The following TPCN1 variants were observed in gnomAD, a reference collection of about 807,000 sequenced individuals.
The protein encoded by TPCN1 is two pore segment channel 1.
TPCN1 carries 52 observed loss-of-function variants against 108.8 expected under a neutral mutation model. The observed-to-expected ratio is 0.48, with a 90% CI of 0.38 to 0.60. TPCN1 has a LOEUF of 0.60. TPCN1 is among the 20% of genes least tolerant of loss of function. TPCN1 has a pLI of 0.00. For synonymous variants in TPCN1, 446 were observed against 433.7 expected (o/e 1.03, Z -0.35); for missense variants, 806 against 1,072.8 (o/e 0.75, Z 3.47).
chr12:113,253,036 C>G (rs1008784623), intron 2 of TPCN1, among the ~76,000 whole-genome samples: 1 of 152,136 alleles, frequency 6.6e-6, no homozygotes. Flanking sequence ...GTTTCTGATT[C>G]TTGAGAGGCA....
chr12:113,244,288 G>A, intron 2 of TPCN1: 1 of 985,270 alleles, frequency 1.0e-6, no homozygotes, highest in Non-Finnish European at 1.2e-6. Context: ...TTAAGCCTTT[G>A]GCAGGACAGA....
At position 113,295,899 on chromosome 12, in the gene TPCN1, G is replaced by T; in HGVS notation, c.2335-61G>T. ...GATGCTGTGGGCTGTGTGACCTTGT[G>T]GGGTGGGCGGGGCAGGGGGTGGGGT... On this transcript the variant is annotated intron_variant, in intron 27 of 27. Coordinates refer to ENST00000335509, the MANE Select transcript of TPCN1 (RefSeq NM_017901.6). The T allele has an allele frequency of 8.0e-6, 12 of 1,496,690 alleles. No homozygotes were observed. The South Asian group carries it at 1.5e-4, about 19-fold the overall frequency. The allele number at this position is 1,496,690 out of a possible 1,614,324, so 92.7% of individuals were successfully genotyped here.
chr12:113,245,446 A>G (rs1332329209), intron 2 of TPCN1, among the ~76,000 whole-genome samples: 1 of 146,264 alleles, frequency 6.8e-6, no homozygotes, highest in Middle Eastern at 3.6e-3. Flanking sequence ...AAAAAAATAC[A>G]AAAAATTAGC....
Position 113,273,272 on chromosome 12 carries a change from T to A in TPCN1, c.824T>A (p.Val275Asp). The change falls in exon 9 of 28, where the codon GTC (valine) becomes GAC (aspartate). Residue 275 changes from valine to aspartate, a missense_variant. Val to Asp is a radical substitution (Grantham distance 152, BLOSUM62 -3). Transcript: ENST00000335509. This position sits in a 1 kb window ranked among gnomAD's most constrained non-coding sequence, Gnocchi z 4.0. ...GAGAACAGCATCGTCAGTCTGTTTG[T>A]CCTTCTGACCACAGCCAAGTAAGTG... Reference protein sequence around the residue: ...TLENSIVSLFVLLTTANFPDV... With the variant: ...TLENSIVSLFDLLTTANFPDV... The A allele has an allele frequency of 6.2e-7, 1 of 1,614,252 alleles. No individual in the cohort carries two copies.
chr12:113,291,196 C>T (rs1956254641), intron 23 of TPCN1, among the ~76,000 whole-genome samples, 198 bp downstream of exon 23: 1 of 152,168 alleles, frequency 6.6e-6, no homozygotes, highest in African/African-American at 2.4e-5. Context: ...TGGCTGGACT[C>T]GGCTGTTACT....
At chr12:113,282,295 G>C (rs1469721779) in intron 15 of TPCN1, among the ~76,000 whole-genome samples, 2 of 151,656 alleles carry the variant, frequency 1.3e-5, no homozygotes, top group African/African-American at 4.8e-5. Flanking sequence ...ATTTCCCCAC[G>C]TTGGCCAGGC....
rs191469691 is a variant in TPCN1 at position 113,279,210 on chromosome 12, G to A, written c.1297+375G>A. Among the ~76,000 whole-genome samples the A allele has an allele frequency of 3.8e-3, 567 of 150,750 alleles. 5 individuals are homozygous for A. The highest frequency in any genetic ancestry group is 0.013 in the African/African-American group (521 of 41,014). On this transcript the variant is annotated intron_variant, in intron 14 of 27. Transcript: ENST00000335509. ...TTAGTTCTCTGATGTGTTTCCCTCTGTGCCATTTTTCTATGCATTTTTAAA... is the reference window on the plus strand; with the variant it reads ...TTAGTTCTCTGATGTGTTTCCCTCTATGCCATTTTTCTATGCATTTTTAAA...
intron 2 of TPCN1, among the ~76,000 whole-genome samples, chr12:113,247,953 G>C (rs1300495109): frequency 1.3e-5 from 2 of 152,192 alleles, no homozygotes; most frequent in Non-Finnish European, 1.5e-5. Flanking sequence ...GTCCTGGGAG[G>C]GGGAGAATTC....
intron 2 of TPCN1, among the ~76,000 whole-genome samples, chr12:113,249,189 T>C (rs1443938483): frequency 6.6e-6 from 1 of 152,124 alleles, no homozygotes; most frequent in Non-Finnish European, 1.5e-5. Flanking sequence ...TAAGAGTGCA[T>C]CCCAAGAGCC....
Position 113,290,944 on chromosome 12 carries a change from C to T in TPCN1, c.1913-8C>T, listed in dbSNP as rs1369983257. On this transcript the variant is annotated splice_polypyrimidine_tract_variant and splice_region_variant and intron_variant, in intron 22 of 27. Transcript: ENST00000335509. ...ATCAGGATGCTTCTTTCTCTCTTCC[C>T]TCGGCAGTGACCCTGTTTGAGCTCA... 1.2e-6 allele frequency: 2 copies of T among 1,613,592 alleles called. No individual in the cohort carries two copies. Among genetic ancestry groups the T allele is most frequent in the Non-Finnish European group, 1.7e-6 (2 of 1,179,946 alleles).
In TPCN1 at chr12:113,288,707, A is replaced by G; in HGVS notation, c.1707-51A>G. ...TCCGAGGAGGCCGGGGCTGCAGAGG[A>G]GCCGTTCCCTCCTGCCGGCCCCGCG... is the stretch of plus-strand genomic sequence containing the variant. On this transcript the variant is annotated intron_variant, in intron 20 of 27. Coordinates refer to ENST00000335509, the MANE Select transcript of TPCN1 (RefSeq NM_017901.6). The surrounding 1 kb of genome is among the most constrained non-coding windows in gnomAD (Gnocchi z 4.8). 6.2e-7 allele frequency: 1 copy of G among 1,603,334 alleles called. No individual in the cohort carries two copies. The highest frequency in any genetic ancestry group is 1.7e-5 in the Admixed American group (1 of 59,904).
At chr12:113,221,893 C>T (rs746116010) in intron 1 of TPCN1, among the ~76,000 whole-genome samples, 1 of 152,174 alleles carries the variant, frequency 6.6e-6, no homozygotes, top group Non-Finnish European at 1.5e-5. Context: ...GGAGCTGGAG[C>T]CAGCTGTCCT....
chr12:113,239,990 G>T (rs997209692), intron 2 of TPCN1, among the ~76,000 whole-genome samples: 3 of 152,050 alleles, frequency 2.0e-5, no homozygotes, highest in Non-Finnish European at 4.4e-5. Context: ...CTTGTGGGTG[G>T]TCGTCGACAA....
chr12:113,293,474 G>A (rs964268188), intron 27 of TPCN1, 125 bp downstream of exon 27: 71 of 926,382 alleles, frequency 7.7e-5, no homozygotes, highest in Admixed American at 2.6e-4. Context: ...ACCGTCCATC[G>A]GGACCACTGC....
chr12:113,292,853 G>C (rs1355510974), intron 25 of TPCN1, 81 bp from the exon 26 acceptor site: 2 of 1,497,616 alleles, frequency 1.3e-6, no homozygotes, highest in Non-Finnish European at 1.8e-6. Context: ...CCCTGCGGAA[G>C]GGGGCAAGGA....
Position 113,292,978 on chromosome 12 carries a change from C to G in TPCN1, c.2158C>G (p.Leu720Val). The G allele has an allele frequency of 6.2e-7, 1 of 1,613,330 alleles. No individual in the cohort carries two copies. Among genetic ancestry groups the G allele is most frequent in the Non-Finnish European group, 8.5e-7 (1 of 1,180,018 alleles). The change falls in exon 26 of 28, where the codon CTG becomes GTG. Residue 720 changes from leucine to valine, a missense_variant. By Grantham distance (32) the Leu-to-Val change is conservative (BLOSUM62 1). Coordinates refer to ENST00000335509, the MANE Select transcript of TPCN1 (RefSeq NM_017901.6). Reference sequence around the variant, plus strand: ...TGAGAAGGAAATCTCCAAAGAAGAGCTGGTTGCCGTCCTGGAGCTCTACCG... The same window carrying G: ...TGAGAAGGAAATCTCCAAAGAAGAGGTGGTTGCCGTCCTGGAGCTCTACCG... Reference protein sequence around the residue: ...TLEKEISKEELVAVLELYREA... With the variant: ...TLEKEISKEEVVAVLELYREA...
chr12:113,294,309 A>G (rs1202471350), intron 27 of TPCN1: 2 of 152,118 alleles, frequency 1.3e-5, no homozygotes, highest in African/African-American at 2.4e-5. Flanking sequence ...GTCTCAAGCA[A>G]TTCTTCCACC....
At chr12:113,229,321 A>G (rs1953589523) in intron 2 of TPCN1, among the ~76,000 whole-genome samples, 1 of 152,202 alleles carries the variant, frequency 6.6e-6, no homozygotes. Flanking sequence ...TTGTGGGTGT[A>G]ATTCACCAAG....
chr12:113,253,885 G>T (rs1954737110), intron 2 of TPCN1, among the ~76,000 whole-genome samples: 1 of 152,156 alleles, frequency 6.6e-6, no homozygotes, highest in Non-Finnish European at 1.5e-5. Flanking sequence ...GATAGGTTTT[G>T]GCATACAGTA....
Sources: gnomAD v4.1 joint callset for allele counts (sites outside exome capture counted in the v4.1 genomes callset) on GRCh38, gnomAD v4.1.1 for gene constraint, Gnocchi (gnomAD v3.1) non-coding constraint, MANE v1.5 for transcripts, NCBI Gene and HGNC (gene_info 2026-07-23, HGNC 2026-07-21) for gene names.